SIGLEC9: variants seen among roughly 807,000 people sequenced by gnomAD.
The protein encoded by SIGLEC9 is sialic acid-binding Ig-like lectin 9.
Under a neutral mutation model 38.3 loss-of-function variants are expected in SIGLEC9, and 26 were observed. The ratio of observed to expected loss-of-function variants is 0.68; its 90% CI spans 0.50 to 0.94. SIGLEC9 has a LOEUF of 0.94. Ranked by LOEUF, SIGLEC9 falls within the 40% of genes least tolerant of loss-of-function variation. SIGLEC9 has a pLI of 0.00. For missense variants in SIGLEC9, 556 were observed against 585.7 expected, an observed-to-expected ratio of 0.95 and a Z score of 0.52; for synonymous variants, 236 against 248.0, an observed-to-expected ratio of 0.95 and a Z score of 0.45.
chr19:51,134,046 A>AT (rs1310462039), downstream of SIGLEC9, among the ~76,000 whole-genome samples: 1 of 152,066 alleles, frequency 6.6e-6, no homozygotes, highest in African/African-American at 2.4e-5. Context: ...ACAGAAATTC[A>AT]TAACAGTGAC....
At chr19:51,126,616 G>A (rs887706801) in intron 3 of SIGLEC9, among the ~76,000 whole-genome samples, 7 of 152,142 alleles carry the variant, frequency 4.6e-5, no homozygotes, top group Non-Finnish European at 7.3e-5. Flanking sequence ...GTGGTTTGAC[G>A]TCCGTAGTGA....
chr19:51,128,457 G>C lies in SIGLEC9; in HGVS notation c.1150G>C (p.Val384Leu), dbSNP rs149057756. 1.2e-6 allele frequency: 2 copies of C among 1,614,128 alleles called. No individual in the cohort carries two copies. The highest frequency in any genetic ancestry group is 2.7e-5 in the African/African-American group (2 of 75,046). ...GAAATCGGCAAGGCCAGCAGCGGGC[G>C]TGGGAGATACGGGCATAGAGGATGC... is the stretch of plus-strand genomic sequence containing the variant. The part of the protein sequence containing the change: ...RKKSARPAAG[V>L]GDTGIEDANA... The change falls in exon 6 of 7, where the codon GTG (valine) becomes CTG (leucine). Residue 384 changes from valine (V) to leucine (L), a missense_variant. Val to Leu is a conservative substitution (Grantham distance 32, BLOSUM62 1). Transcript: ENST00000250360.
chr19:51,128,583 C>A, intron 6 of SIGLEC9, 73 bp downstream of exon 6: 1 of 1,374,472 alleles, frequency 7.3e-7, no homozygotes, highest in Non-Finnish European at 1.0e-6. Flanking sequence ...CAGGACTAAT[C>A]AGCTGGGCGT....
Position 51,129,188 on chromosome 19 carries a change from T to C in SIGLEC9, c.1203+678T>C, listed in dbSNP as rs551718766. Reference sequence around the variant, plus strand: ...TTGTTGTTGTTTTTGAGACAGAGTCTTGCTCTGTCGCCCAGGCTGGAGTGC... The same window carrying C: ...TTGTTGTTGTTTTTGAGACAGAGTCCTGCTCTGTCGCCCAGGCTGGAGTGC... On this transcript the variant is annotated intron_variant, in intron 6 of 6. Transcript: ENST00000250360. Among the ~76,000 whole-genome samples, 217 of 151,446 alleles carry C rather than the reference T, an allele frequency of 1.4e-3. 4 individuals are homozygous for C. The highest frequency in any genetic ancestry group is 4.9e-3 in the African/African-American group (201 of 40,980).
In SIGLEC9 at chr19:51,129,901, C is replaced by T; in HGVS notation, c.1214C>T (p.Thr405Ile). 1 of 1,591,556 alleles carries T rather than the reference C, an allele frequency of 6.3e-7. No individual in the cohort carries two copies. Among genetic ancestry groups the T allele is most frequent in the Non-Finnish European group, 8.6e-7 (1 of 1,169,584 alleles). The change falls in exon 7 of 7, where the codon ACT becomes ATT. Residue 405 changes from threonine (T) to isoleucine (I), a missense_variant. Coordinates refer to ENST00000250360, the MANE Select transcript of SIGLEC9 (RefSeq NM_014441.3). ...VRGSASQGPLTEPWAEDSPPD... is the reference protein window; with the variant it reads ...VRGSASQGPLIEPWAEDSPPD... ...TCTCCCATGTCTCAGGGGCCCCTGA[C>T]TGAACCTTGGGCAGAAGACAGTCCC...
chr19:51,131,462 T>C (rs1294938211), downstream of SIGLEC9, among the ~76,000 whole-genome samples: 1 of 151,954 alleles, frequency 6.6e-6, no homozygotes, highest in Non-Finnish European at 1.5e-5. Flanking sequence ...GGCGGGTGCC[T>C]GTAGTCCCAG....
At chr19:51,131,607 A>C (rs1480440224), downstream of SIGLEC9, among the ~76,000 whole-genome samples, 1 of 150,198 alleles carries the variant, frequency 6.7e-6, no homozygotes, top group Non-Finnish European at 1.5e-5. Context: ...ATAAATAAAT[A>C]AATAAATAAG....
At chr19:51,134,593 TCTTAAATGATGAAAGCTTTTGGTTCC>T (rs1303688741), downstream of SIGLEC9, among the ~76,000 whole-genome samples, 3 of 152,230 alleles carry the variant, frequency 2.0e-5, no homozygotes, top group African/African-American at 7.2e-5. Context: ...AATTAAAAAC[TCTTAAATGATGAAAGCTTTTGGTTCC>T]CTCTTTTTTA....
At position 51,125,448 on chromosome 19, in the gene SIGLEC9, G is replaced by C. The variant is rs1395677471; in HGVS notation, c.421+53G>C. On this transcript the variant is annotated intron_variant, in intron 1 of 6. Coordinates refer to ENST00000250360, the MANE Select transcript of SIGLEC9 (RefSeq NM_014441.3). ...CAGGGAAAGGTCATGGGGGCGGCAG[G>C]GAAAGGCTGGGATGGAGCCCCTGCC... The C allele has an allele frequency of 2.6e-6, 4 of 1,552,498 alleles. No homozygotes were observed. The Admixed American group carries it at 7.7e-5, about 30-fold the overall frequency.
Position 51,127,209 on chromosome 19 carries a change from G to C in SIGLEC9, c.928G>C (p.Val310Leu). The C allele has an allele frequency of 5.0e-6, 8 of 1,614,212 alleles. No homozygotes were observed. The highest frequency in any genetic ancestry group is 5.9e-6 in the Non-Finnish European group (7 of 1,180,020). ...SNPGVLELPW[V>L]HLRDAAEFTC... ...CCCGGGGGTGCTGGAGCTGCCTTGG[G>C]TGCACCTGAGGGATGCAGCTGAATT... The change falls in exon 4 of 7, where the codon GTG becomes CTG. Residue 310 changes from valine to leucine, a missense_variant. Physicochemically the swap from Val to Leu is conservative, Grantham distance 32. Transcript: ENST00000250360.
intron 5 of SIGLEC9, 42 bp downstream of exon 5, chr19:51,128,081 G>T: frequency 6.7e-7 from 1 of 1,494,388 alleles, no homozygotes; most frequent in Non-Finnish European, 9.3e-7. Context: ...AGAGCCCTGG[G>T]GGAGGACAGG....
upstream of SIGLEC9, among the ~76,000 whole-genome samples, chr19:51,123,268 G>A (rs1053129606): frequency 6.6e-6 from 1 of 152,196 alleles, no homozygotes; most frequent in Non-Finnish European, 1.5e-5. Context: ...TTCCAGGTGG[G>A]GCTGAGCTGT....
chr19:51,131,736 T>C (rs960633786), downstream of SIGLEC9, among the ~76,000 whole-genome samples: 1 of 151,624 alleles, frequency 6.6e-6, no homozygotes, highest in African/African-American at 2.4e-5. Context: ...GCCAACATGG[T>C]GAAACCCCAT....
chr19:51,134,291 C>G (rs377418856), downstream of SIGLEC9, among the ~76,000 whole-genome samples: 1 of 151,038 alleles, frequency 6.6e-6, no homozygotes, highest in African/African-American at 2.4e-5. Flanking sequence ...ATTACAGGCA[C>G]GGGCCACCAT....
intron 6 of SIGLEC9, among the ~76,000 whole-genome samples, chr19:51,129,171 G>GTTTTTTTTTTTTTTT (rs375911468): frequency 2.9e-5 from 4 of 138,992 alleles, no homozygotes; most frequent in African/African-American, 1.2e-4. Context: ...TGTTGTTGTT[G>GTTTTTTTTTTTTTTT]TTTTTGAGAC....
In SIGLEC9 at chr19:51,125,799, C is replaced by T; in HGVS notation, c.624C>T (p.Gly208=). Residue 208 remains glycine, a synonymous_variant, in exon 2 of 7, where the codon GGC becomes GGT. Coordinates refer to ENST00000250360, the MANE Select transcript of SIGLEC9 (RefSeq NM_014441.3). ...LTLIPQPQDH[G]TSLTCQVTFP... Reference sequence around the variant, plus strand: ...TCATCCCACAGCCCCAGGACCATGGCACCAGCCTCACCTGTCAGGTGACCT... The same window carrying T: ...TCATCCCACAGCCCCAGGACCATGGTACCAGCCTCACCTGTCAGGTGACCT... 6.2e-7 allele frequency: 1 copy of T among 1,614,144 alleles called. No homozygotes were observed. Among genetic ancestry groups the T allele is most frequent in the East Asian group, 2.2e-5 (1 of 44,864 alleles).
chr19:51,127,447 C>A (rs1370957592), intron 4 of SIGLEC9, 151 bp downstream of exon 4: 2 of 861,072 alleles, frequency 2.3e-6, no homozygotes, highest in East Asian at 2.7e-5. Context: ...CCCACAGCAC[C>A]ACTGTCCTCT....
chr19:51,134,401 A>C (rs146167348), downstream of SIGLEC9, among the ~76,000 whole-genome samples: 3,282 of 151,790 alleles, frequency 0.022, 118 homozygotes, highest in African/African-American at 0.074. Flanking sequence ...CTGTGATCCA[A>C]CCACCTCTGC....
At chr19:51,126,047 C>T (rs1197065089) in intron 2 of SIGLEC9, 34 bp from the exon 3 acceptor site, 6 of 1,611,172 alleles carry the variant, frequency 3.7e-6, no homozygotes, top group African/African-American at 1.3e-5. Flanking sequence ...CCAGCCCTCA[C>T]AGTGATGCGG....
Sources: allele counts gnomAD v4.1 joint callset (sites outside exome capture counted in the v4.1 genomes callset), GRCh38; gene constraint gnomAD v4.1.1; transcripts MANE v1.5; gene names NCBI Gene and HGNC (gene_info 2026-07-23, HGNC 2026-07-21).